The following APPL2 variants were observed in gnomAD, a reference collection of about 807,000 sequenced individuals.
APPL2 encodes the protein DCC-interacting protein 13-beta.
A neutral mutation model predicts 92.7 loss-of-function variants in APPL2; 84 were observed. The observed-to-expected ratio is 0.91, with a 90% confidence interval of 0.76 to 1.09. The LOEUF is 1.09. APPL2 is among the 50% of genes least tolerant of loss of function. APPL2 has a pLI of 0.00. For synonymous variants in APPL2, 291 were observed against 291.0 expected (o/e 1.00, Z 0.00); for missense variants, 736 against 824.5 (o/e 0.89, Z 1.31).
chr12:105,174,271 A>G lies in APPL2; in HGVS notation c.*43T>C. Reference sequence around the variant, plus strand: ...AGAGACGTTAAAACCCTTAGGAGGTAGCTCTCCTTCCTGTTTGCTCTTCCC... The same window carrying G: ...AGAGACGTTAAAACCCTTAGGAGGTGGCTCTCCTTCCTGTTTGCTCTTCCC... On this transcript the variant is annotated 3_prime_UTR_variant, in exon 21 of 21. Transcript: ENST00000258530. 6.2e-7 allele frequency: 1 copy of G among 1,606,110 alleles called. No homozygotes were observed. Among genetic ancestry groups the G allele is most frequent in the South Asian group, 1.1e-5 (1 of 89,700 alleles).
At position 105,177,167 on chromosome 12, in the gene APPL2, G is replaced by A. The variant is rs751734458; in HGVS notation, c.1671+59C>T. On this transcript the variant is annotated intron_variant, in intron 18 of 20. Transcript: ENST00000258530. The stretch of plus-strand genomic sequence containing the variant: ...ATAAAGTGCCTAGGCTGTGTTTAAG[G>A]TAGATACAAAGGTGAATTAAGGAGT... 2.5e-6 allele frequency: 4 copies of A among 1,601,726 alleles called. No homozygotes were observed. In the Admixed American group the frequency reaches 5.0e-5, roughly 20 times the overall value.
At chr12:105,195,852 C>T (rs555206170) in intron 11 of APPL2, among the ~76,000 whole-genome samples, 23 of 152,076 alleles carry the variant, frequency 1.5e-4, no homozygotes, top group Non-Finnish European at 2.5e-4. Context: ...CCCAGGAGTT[C>T]GAGACCAGCC....
intron 1 of APPL2, 96 bp downstream of exon 1, chr12:105,235,863 G>T: frequency 9.4e-7 from 1 of 1,060,454 alleles, no homozygotes; most frequent in Non-Finnish European, 1.2e-6. Flanking sequence ...CACTCCCGCG[G>T]CTGCCCGGCC....
intron 17 of APPL2, among the ~76,000 whole-genome samples, chr12:105,180,796 T>C (rs1770146705): frequency 6.6e-6 from 1 of 152,208 alleles, no homozygotes; most frequent in South Asian, 2.1e-4. Flanking sequence ...TGCTTGTGAT[T>C]TTTGCACATT....
intron 8 of APPL2, chr12:105,206,838 C>T (rs577883113): frequency 8.2e-6 from 4 of 486,730 alleles, no homozygotes; most frequent in Admixed American, 3.9e-5. Flanking sequence ...GGACCCAGGC[C>T]TCATTTCCTG....
At chr12:105,203,588 G>T in intron 9 of APPL2, 115 bp downstream of exon 9, 1 of 902,884 alleles carries the variant, frequency 1.1e-6, no homozygotes. Flanking sequence ...TTCTGGGGTG[G>T]ACAGAGGCTC....
chr12:105,185,027 T>C (rs1454567641), intron 17 of APPL2, among the ~76,000 whole-genome samples: 1 of 152,138 alleles, frequency 6.6e-6, no homozygotes, highest in African/African-American at 2.4e-5. Flanking sequence ...CAGCCCAGTA[T>C]GATCTTCCTG....
chr12:105,177,729 A>G (rs1885692111), intron 17 of APPL2, among the ~76,000 whole-genome samples: 1 of 152,226 alleles, frequency 6.6e-6, no homozygotes, highest in African/African-American at 2.4e-5. Flanking sequence ...ACTCTTATCA[A>G]TTTGGGTAAA....
intron 2 of APPL2, among the ~76,000 whole-genome samples, chr12:105,222,224 G>A (rs915013270): frequency 6.6e-6 from 1 of 152,204 alleles, no homozygotes; most frequent in Non-Finnish European, 1.5e-5. Context: ...AGCGGCAGTG[G>A]GGAAGCACCA....
At chr12:105,188,487 C>T in intron 16 of APPL2, 40 bp from the exon 17 acceptor site, 2 of 1,605,210 alleles carry the variant, frequency 1.2e-6, no homozygotes, top group Non-Finnish European at 1.7e-6. Context: ...TCATTTACTT[C>T]CTGCTGCTGT....
At chr12:105,204,367 G>A (rs1888519445) in intron 8 of APPL2, among the ~76,000 whole-genome samples, 1 of 152,172 alleles carries the variant, frequency 6.6e-6, no homozygotes. Context: ...GGCATGGCGG[G>A]CACCAAAATC....
In APPL2 at chr12:105,173,414, TAGGG is replaced by T. The variant is rs1885175606; in HGVS notation, c.*896_*899del. ...ATTCAAAATCATTATACTAGTTTGA[TAGGG>T]AGGAGGGATGGGGGAGTGGGCTGGG... On this transcript the variant is annotated 3_prime_UTR_variant, in exon 21 of 21. Coordinates refer to ENST00000258530, the MANE Select transcript of APPL2 (RefSeq NM_018171.5). 1 of 152,596 alleles carries T rather than the reference TAGGG, an allele frequency of 6.6e-6. No homozygotes were observed. Among genetic ancestry groups the T allele is most frequent in the Non-Finnish European group, 1.5e-5 (1 of 68,030 alleles). 9.5% of individuals were successfully genotyped at this position (152,596 alleles called of 1,614,324 possible).
At chr12:105,209,933 G>C (rs1431824313) in intron 5 of APPL2, among the ~76,000 whole-genome samples, 1 of 151,914 alleles carries the variant, frequency 6.6e-6, no homozygotes, top group African/African-American at 2.4e-5. Context: ...ACCAACACAG[G>C]GGATCTCAAA....
chr12:105,186,680 TCATATA>T (rs1310505387), intron 17 of APPL2, among the ~76,000 whole-genome samples: 11 of 70,212 alleles, frequency 1.6e-4, no homozygotes, highest in Non-Finnish European at 2.1e-4. Flanking sequence ...ATATGATATA[TCATATA>T]TATATCATAT....
intron 20 of APPL2, 106 bp downstream of exon 20, chr12:105,175,929 G>T: frequency 2.6e-6 from 3 of 1,144,440 alleles, no homozygotes; most frequent in Non-Finnish European, 2.4e-6. Context: ...CCCAAACTTG[G>T]CCACACTTTC....
intron 9 of APPL2, 65 bp downstream of exon 9, chr12:105,203,638 C>T (rs1432244993): frequency 6.7e-7 from 1 of 1,490,190 alleles, no homozygotes; most frequent in African/African-American, 1.4e-5. Flanking sequence ...CCGTGACCTC[C>T]CAGAGATGTC....
intron 16 of APPL2, 35 bp downstream of exon 16, chr12:105,189,735 CAG>C: frequency 6.3e-7 from 1 of 1,598,756 alleles, no homozygotes; most frequent in Non-Finnish European, 8.6e-7. Flanking sequence ...TCATTTTGTG[CAG>C]AGGAAAGAAT....
intron 5 of APPL2, among the ~76,000 whole-genome samples, chr12:105,210,307 G>A (rs1046463432): frequency 1.2e-4 from 18 of 151,882 alleles, no homozygotes; most frequent in African/African-American, 2.7e-4. Context: ...AACCTTCTCC[G>A]CCCCAACCCC....
At chr12:105,181,654 A>G (rs1292880091) in intron 17 of APPL2, among the ~76,000 whole-genome samples, 1 of 152,158 alleles carries the variant, frequency 6.6e-6, no homozygotes, top group African/African-American at 2.4e-5. Flanking sequence ...TTATCGGTCT[A>G]TTCAGGGATT....
Sources: gnomAD v4.1 joint callset for allele counts (sites outside exome capture counted in the v4.1 genomes callset) on GRCh38, gnomAD v4.1.1 for gene constraint, MANE v1.5 for transcripts, NCBI Gene and HGNC (gene_info 2026-07-23, HGNC 2026-07-21) for gene names.